The following SHTN1 variants were observed in gnomAD, a reference collection of about 807,000 sequenced individuals.
SHTN1 encodes shootin 1, also known as shootin-1.
In SHTN1, 42 loss-of-function variants were observed where a neutral mutation model predicts 83.1. The observed-to-expected ratio is 0.51, with a 90% CI of 0.39 to 0.65. The LOEUF (loss-of-function observed/expected upper bound fraction) is 0.65, where lower values mean the gene tolerates loss of function less well. SHTN1 is among the 30% of genes least tolerant of loss of function. The pLI, the probability that SHTN1 is intolerant of heterozygous loss-of-function variation, is 0.00. For synonymous variants in SHTN1, 224 were observed against 247.7 expected (o/e 0.90, Z 0.90); for missense variants, 622 against 737.8 (o/e 0.84, Z 1.82).
chr10:117,004,200 C>T (rs1412492164), intron 1 of SHTN1, among the ~76,000 whole-genome samples: 1 of 152,160 alleles, frequency 6.6e-6, no homozygotes, highest in Non-Finnish European at 1.5e-5. Context: ...TCCTCCCTGT[C>T]TTGACCCACA....
At chr10:117,034,300 G>A (rs1277544262) in intron 2 of SHTN1, among the ~76,000 whole-genome samples, 2 of 152,228 alleles carry the variant, frequency 1.3e-5, no homozygotes, top group South Asian at 4.1e-4. Flanking sequence ...GACTCTATCA[G>A]TTCTAATAGT....
intron 12 of SHTN1, among the ~76,000 whole-genome samples, 188 bp downstream of exon 12, chr10:116,921,246 C>T (rs573652757): frequency 6.4e-4 from 98 of 152,246 alleles, no homozygotes; most frequent in African/African-American, 1.1e-3. Context: ...GTGAGGTGTG[C>T]GTGTTTATCT....
At chr10:117,068,130 G>A (rs1351775149) in intron 1 of SHTN1, among the ~76,000 whole-genome samples, 5 of 152,124 alleles carry the variant, frequency 3.3e-5, no homozygotes, top group African/African-American at 7.2e-5. Flanking sequence ...GGTGGCTCAC[G>A]TCTGTAATCC....
intron 1 of SHTN1, among the ~76,000 whole-genome samples, chr10:117,109,811 G>C (rs1390732461): frequency 1.3e-5 from 2 of 151,512 alleles, no homozygotes; most frequent in Non-Finnish European, 2.9e-5. Context: ...GTGATCCACT[G>C]CCTCGGCCTC....
chr10:116,930,105 T>A, intron 9 of SHTN1, 103 bp from the exon 10 acceptor site: 1 of 657,132 alleles, frequency 1.5e-6, no homozygotes, highest in Non-Finnish European at 2.4e-6. Context: ...CTGTACTTCA[T>A]AGCAAACAGA....
chr10:117,060,606 T>C (rs539780398), intron 1 of SHTN1, among the ~76,000 whole-genome samples: 86 of 152,336 alleles, frequency 5.6e-4, no homozygotes, highest in African/African-American at 1.9e-3. Flanking sequence ...TGTTTACCTA[T>C]ATAGAAGCTG....
intron 16 of SHTN1, chr10:116,900,976 A>G: frequency 2.0e-6 from 2 of 985,456 alleles, no homozygotes; most frequent in Non-Finnish European, 2.4e-6. Flanking sequence ...TTTTAAGCTA[A>G]GACAGCTAGA....
intron 1 of SHTN1, among the ~76,000 whole-genome samples, chr10:117,106,433 C>T (rs1433804111): frequency 6.6e-6 from 1 of 152,088 alleles, no homozygotes; most frequent in African/African-American, 2.4e-5. Flanking sequence ...CTAGCCTGGG[C>T]GACAGTGTGA....
At chr10:116,998,495 G>A (rs1851711651) in intron 1 of SHTN1, among the ~76,000 whole-genome samples, 1 of 152,124 alleles carries the variant, frequency 6.6e-6, no homozygotes, top group African/African-American at 2.4e-5. Context: ...ATTTTATTAT[G>A]AGTTTTTATT....
At chr10:116,971,016 T>G (rs1850598268) in intron 2 of SHTN1, among the ~76,000 whole-genome samples, 1 of 152,174 alleles carries the variant, frequency 6.6e-6, no homozygotes, top group Non-Finnish European at 1.5e-5. Context: ...TGTTATACTA[T>G]TCTCTGCCCT....
intron 1 of SHTN1, among the ~76,000 whole-genome samples, chr10:116,997,657 C>T (rs575611991): frequency 1.9e-4 from 29 of 152,322 alleles, no homozygotes; most frequent in East Asian, 1.2e-3. Flanking sequence ...CACTATCATG[C>T]TATCATCATT....
At chr10:117,064,654 CA>C (rs11376208) in intron 1 of SHTN1, among the ~76,000 whole-genome samples, 87 of 136,414 alleles carry the variant, frequency 6.4e-4, no homozygotes, top group African/African-American at 8.5e-4. Flanking sequence ...GACTTTGTCT[CA>C]AAAAAAAAAA....
intron 1 of SHTN1, among the ~76,000 whole-genome samples, chr10:117,075,855 G>A (rs920289465): frequency 1.3e-5 from 2 of 152,036 alleles, no homozygotes; most frequent in African/African-American, 2.4e-5. Context: ...AAGGATTTTA[G>A]GCAACACTGA....
chr10:117,084,021 T>G (rs11528300), intron 1 of SHTN1, among the ~76,000 whole-genome samples: 26,686 of 151,354 alleles, frequency 0.18, 2,435 homozygotes, highest in East Asian at 0.31. Flanking sequence ...TAATTTGATC[T>G]TCTGAAGCCT....
chr10:116,882,398 T>TTA lies in SHTN1; in HGVS notation c.*3945_*3946insTA, dbSNP rs779908943. 1.4e-4 allele frequency: 19 copies of TTA among 137,158 alleles called. No individual in the cohort carries two copies. The highest frequency in any genetic ancestry group is 2.4e-4 in the South Asian group (1 of 4,242). 8.5% of individuals were successfully genotyped at this position (137,158 alleles called of 1,614,324 possible). A position where few individuals can be genotyped will look rare whatever the true frequency, so the allele number is the denominator to read the frequency against. ...CATTTAAAAAGCAATCCGCAAGTGA[T>TTA]AAAAAAAAAAAAAAAAAATGATGTG... On this transcript the variant is annotated 3_prime_UTR_variant, in exon 17 of 17. Coordinates refer to ENST00000355371, the MANE Select transcript of SHTN1 (RefSeq NM_001127211.3).
At position 117,094,795 on chromosome 10, in the gene SHTN1, C is replaced by T. The variant is rs1051144553; in HGVS notation, c.-189+31512G>A. On this transcript the variant is annotated intron_variant, in intron 1 of 17. Transcript: ENST00000392901. ...AAAAGCTGTCAAAATTAATTAAGCA[C>T]ATATTCATTAAATCCAAGGTAGCTT... Among the ~76,000 whole-genome samples the T allele has an allele frequency of 9.9e-5, 15 of 152,236 alleles. No individual in the cohort carries two copies. The South Asian group carries it at 3.1e-3, about 32-fold the overall frequency.
chr10:117,013,120 TAAA>T (rs1203985841), intron 2 of SHTN1, among the ~76,000 whole-genome samples: 1 of 152,208 alleles, frequency 6.6e-6, no homozygotes, highest in East Asian at 1.9e-4. Flanking sequence ...AAGTCAAAAG[TAAA>T]AAAGATTAAT....
intron 2 of SHTN1, among the ~76,000 whole-genome samples, chr10:116,977,840 A>T (rs114037149): frequency 0.019 from 2,963 of 152,082 alleles, 109 homozygotes; most frequent in African/African-American, 0.067. Flanking sequence ...ATGACCGATT[A>T]ATTTTTTAAC....
At chr10:116,914,216 G>A (rs1481090383) in intron 13 of SHTN1, among the ~76,000 whole-genome samples, 5 of 152,182 alleles carry the variant, frequency 3.3e-5, no homozygotes, top group African/African-American at 9.7e-5. Flanking sequence ...GCTCATGCCT[G>A]TAATCCCAAC....
Sources: gnomAD v4.1 joint callset for allele counts (sites outside exome capture counted in the v4.1 genomes callset) on GRCh38, gnomAD v4.1.1 for gene constraint, MANE v1.5 for transcripts, NCBI Gene and HGNC (gene_info 2026-07-23, HGNC 2026-07-21) for gene names.